Variants in PRELID2 observed in about 807,000 individuals in gnomAD.
The protein encoded by PRELID2 is PRELI domain containing 2, also known as PRELI domain-containing protein 2.
PRELID2 carries 25 observed loss-of-function variants against 28.4 expected under a neutral mutation model. That is an observed-to-expected ratio of 0.88 (90% CI 0.64 to 1.23). PRELID2 has a LOEUF of 1.23. Among genes scored for constraint, PRELID2 ranks in the 50% most tolerant of loss-of-function variants. The probability of loss-of-function intolerance (pLI) is 0.00; values close to 1 mark genes in which losing one functional copy is unlikely to be tolerated. For missense variants in PRELID2, 201 were observed against 214.4 expected (o/e 0.94, Z 0.39); for synonymous variants, 76 against 71.6 (o/e 1.06, Z -0.31).
chr5:145,421,726 A>G, the PRELID2 span, among the ~76,000 whole-genome samples: 1 of 142,910 alleles, frequency 7.0e-6, no homozygotes, highest in Non-Finnish European at 1.5e-5. Context: ...TTTTGTCTCT[A>G]TTTCCTTCAG....
chr5:145,415,284 T>G, the PRELID2 span, among the ~76,000 whole-genome samples: 1 of 152,090 alleles, frequency 6.6e-6, no homozygotes, highest in Non-Finnish European at 1.5e-5. Flanking sequence ...TTTTTTCTTT[T>G]TTTTATTATT....
chr5:145,307,215 G>A, the PRELID2 span, among the ~76,000 whole-genome samples: 3 of 152,148 alleles, frequency 2.0e-5, no homozygotes, highest in South Asian at 6.2e-4. Context: ...AGTTTAATAG[G>A]TATAGTTGGG....
intron 1 of PRELID2, among the ~76,000 whole-genome samples, chr5:145,651,606 G>A (rs113900252): frequency 2.2e-4 from 34 of 152,308 alleles, no homozygotes; most frequent in Non-Finnish European, 2.2e-4. Flanking sequence ...AGCAATATTC[G>A]CTGTTCTGCA....
At chr5:145,296,499 T>C in the PRELID2 span, among the ~76,000 whole-genome samples, 2 of 152,128 alleles carry the variant, frequency 1.3e-5, no homozygotes, top group African/African-American at 2.4e-5. Context: ...ATTTCATCCA[T>C]GTCCATACAA....
intron 1 of PRELID2, among the ~76,000 whole-genome samples, chr5:145,643,854 G>A (rs1754150932): frequency 6.6e-6 from 1 of 152,152 alleles, no homozygotes; most frequent in Non-Finnish European, 1.5e-5. Flanking sequence ...TGCATCTCAG[G>A]GATGAAGCCG....
intron 1 of PRELID2, chr5:145,729,211 G>C (rs532434536): frequency 1.3e-6 from 1 of 790,658 alleles, no homozygotes; most frequent in Non-Finnish European, 2.2e-6. Flanking sequence ...TCGGAAGCAT[G>C]CCAGAATGCC....
chr5:145,741,137 T>C (rs1301371291), intron 1 of PRELID2, among the ~76,000 whole-genome samples: 1 of 116,154 alleles, frequency 8.6e-6, no homozygotes, highest in African/African-American at 3.5e-5. Context: ...TATAAATATA[T>C]AATGTATAAA....
intron 4 of PRELID2, among the ~76,000 whole-genome samples, chr5:145,804,669 A>G (rs1240546150): frequency 6.6e-6 from 1 of 152,204 alleles, no homozygotes; most frequent in Non-Finnish European, 1.5e-5. Context: ...ACAGATTAAA[A>G]AAACTGAGGT....
At chr5:145,360,858 C>G in the PRELID2 span, among the ~76,000 whole-genome samples, 2 of 152,072 alleles carry the variant, frequency 1.3e-5, no homozygotes, top group Non-Finnish European at 2.9e-5. Context: ...GTTTCAAAAG[C>G]TGGCATATAA....
chr5:145,547,150 T>A (rs756183157), intron 1 of PRELID2, among the ~76,000 whole-genome samples: 3 of 152,246 alleles, frequency 2.0e-5, no homozygotes, highest in Non-Finnish European at 4.4e-5. Flanking sequence ...CAGCAAAGTC[T>A]GCTTTTGACA....
At chr5:145,395,323 T>G in the PRELID2 span, among the ~76,000 whole-genome samples, 3 of 152,044 alleles carry the variant, frequency 2.0e-5, no homozygotes, top group Non-Finnish European at 4.4e-5. Flanking sequence ...AATTCAATGC[T>G]CCAGGAGTTT....
In PRELID2 at chr5:145,803,791, C is replaced by A. The variant is rs1753309909; in HGVS notation, c.369-7244G>T. 8.7e-5 allele frequency among the ~76,000 whole-genome samples: 13 copies of A among 148,606 alleles called. No individual in the cohort carries two copies. The South Asian group carries it at 2.6e-3, about 29-fold the overall frequency. On this transcript the variant is annotated intron_variant, in intron 4 of 6. Transcript: ENST00000683046. ...GAAGTCAAATAACCACTGTGAAAAT[C>A]CAGCCCGAGGCAACTCCAAGACTCT...
At chr5:145,555,264 T>G (rs915680100) in intron 1 of PRELID2, among the ~76,000 whole-genome samples, 3 of 152,172 alleles carry the variant, frequency 2.0e-5, no homozygotes, top group Non-Finnish European at 2.9e-5. Context: ...GAGGTCCCTT[T>G]TAGATCACTG....
At chr5:145,829,766 A>G in intron 1 of PRELID2, among the ~76,000 whole-genome samples, 1 of 152,210 alleles carries the variant, frequency 6.6e-6, no homozygotes, top group East Asian at 1.9e-4. Flanking sequence ...GTGAAGAAAG[A>G]CTAGTACAGC....
At chr5:145,416,798 T>C in the PRELID2 span, among the ~76,000 whole-genome samples, 5 of 151,724 alleles carry the variant, frequency 3.3e-5, no homozygotes, top group African/African-American at 1.2e-4. Flanking sequence ...ACAAAAGAGC[T>C]GAACTGAAGC....
In PRELID2 at chr5:145,685,617, A is replaced by G. The variant is rs114593162; in HGVS notation, n.70+79314T>C. 4.4e-3 allele frequency among the ~76,000 whole-genome samples: 674 copies of G among 152,292 alleles called. 3 individuals carry two copies. The highest frequency in any genetic ancestry group is 0.015 in the African/African-American group (630 of 41,560). ...GTCCCACATCTGTTTCAGGAGTGCTATAAAACATTGTCTATGAGTGTAGAG... is the reference window on the plus strand; with the variant it reads ...GTCCCACATCTGTTTCAGGAGTGCTGTAAAACATTGTCTATGAGTGTAGAG... On this transcript the variant is annotated intron_variant and non_coding_transcript_variant, in intron 1 of 2. Coordinates refer to the PRELID2 transcript ENST00000510259.
the PRELID2 span, among the ~76,000 whole-genome samples, chr5:145,369,884 T>C: frequency 6.6e-6 from 1 of 151,948 alleles, no homozygotes; most frequent in South Asian, 2.1e-4. Context: ...GATGTTGAGC[T>C]TTTTTTTCAC....
intron 1 of PRELID2, among the ~76,000 whole-genome samples, chr5:145,616,872 G>A (rs890365635): frequency 2.6e-5 from 4 of 152,142 alleles, no homozygotes; most frequent in East Asian, 1.9e-4. Flanking sequence ...GCCTGGGAGC[G>A]CTATGGGAGA....
chr5:145,502,546 C>T (rs1752369078), intron 1 of PRELID2, among the ~76,000 whole-genome samples: 1 of 151,992 alleles, frequency 6.6e-6, no homozygotes, highest in Admixed American at 6.6e-5. Flanking sequence ...TTTTGTCTGC[C>T]ACATTTCCAT....
Sources: gnomAD v4.1 joint callset for allele counts (sites outside exome capture counted in the v4.1 genomes callset) on GRCh38, gnomAD v4.1.1 for gene constraint, MANE v1.5 for transcripts, NCBI Gene and HGNC (gene_info 2026-07-23, HGNC 2026-07-21) for gene names.